Variants in DIP2A observed in about 807,000 individuals in gnomAD.
DIP2A encodes the protein disco-interacting protein 2 homolog A.
A neutral mutation model predicts 177.4 loss-of-function variants in DIP2A; 85 were observed. The ratio of observed to expected loss-of-function variants is 0.48; its 90% CI spans 0.40 to 0.57. DIP2A has a LOEUF of 0.57. Ranked by LOEUF, DIP2A falls within the 20% of genes least tolerant of loss-of-function variation. The pLI, the probability that DIP2A is intolerant of heterozygous loss-of-function variation, is 0.00. For missense variants in DIP2A, 1,791 were observed against 2,100.2 expected (o/e 0.85, Z 2.88); for synonymous variants, 886 against 881.8 (o/e 1.00, Z -0.08).
chr21:46,575,975 C>T, the DIP2A span, among the ~76,000 whole-genome samples: 1 of 152,108 alleles, frequency 6.6e-6, no homozygotes, highest in Non-Finnish European at 1.5e-5. Context: ...TAAGACAGTT[C>T]TCCAAATAAG....
Position 46,537,146 on chromosome 21 carries a change from C to T in DIP2A, c.1643-78C>T. 6.9e-7 allele frequency: 1 copy of T among 1,459,314 alleles called. No individual in the cohort carries two copies. Among genetic ancestry groups the T allele is most frequent in the Non-Finnish European group, 9.6e-7 (1 of 1,039,262 alleles). 90.4% of individuals were successfully genotyped at this position (1,459,314 alleles called of 1,614,324 possible). Reference sequence around the variant, plus strand: ...ACTTACATGTTGATGACGTACTCACCTCAGAATTTCTCTAGAAAATGCATA... The same window carrying T: ...ACTTACATGTTGATGACGTACTCACTTCAGAATTTCTCTAGAAAATGCATA... On this transcript the variant is annotated intron_variant, in intron 13 of 37. Coordinates refer to ENST00000417564, the MANE Select transcript of DIP2A (RefSeq NM_015151.4). This position sits in a 1 kb window ranked among gnomAD's most constrained non-coding sequence, Gnocchi z 4.1.
chr21:46,544,439 C>A (rs1241814322), intron 18 of DIP2A, among the ~76,000 whole-genome samples: 2 of 152,180 alleles, frequency 1.3e-5, no homozygotes, highest in South Asian at 2.1e-4. Flanking sequence ...ACAGGTAGAT[C>A]TCTGCACCGC....
chr21:46,561,630 A>T, intron 33 of DIP2A, 118 bp from the exon 34 acceptor site: 1 of 1,319,928 alleles, frequency 7.6e-7, no homozygotes, highest in African/African-American at 1.4e-5. Flanking sequence ...AAAGGTTGAC[A>T]TCCTGACTGT....
intron 1 of DIP2A, among the ~76,000 whole-genome samples, chr21:46,473,060 C>A (rs143262532): frequency 6.6e-6 from 1 of 152,122 alleles, no homozygotes; most frequent in Non-Finnish European, 1.5e-5. Context: ...CTGTACTGGA[C>A]AACAGCAAAG....
In DIP2A at chr21:46,498,681, A is replaced by C. The variant is rs1189025074; in HGVS notation, c.503A>C (p.Asp168Ala). 2 of 1,613,152 alleles carry C rather than the reference A, an allele frequency of 1.2e-6. No homozygotes were observed. Among genetic ancestry groups the C allele is most frequent in the Admixed American group, 1.7e-5 (1 of 59,974 alleles). ...CATTCCAGCGTCGAGCCCTGGCTCG[A>C]CCGGGTCATTCAGGGCTCGTCCACC... Reference protein sequence around the residue: ...QSHSSVEPWLDRVIQGSSTSS... With the variant: ...QSHSSVEPWLARVIQGSSTSS... The change falls in exon 5 of 38, where the codon GAC (aspartate) becomes GCC (alanine). Residue 168 changes from aspartate (D) to alanine (A), a missense_variant. Physicochemically the swap from Asp to Ala is moderately radical, Grantham distance 126. Coordinates refer to ENST00000417564, the MANE Select transcript of DIP2A (RefSeq NM_015151.4). This position sits in a 1 kb window ranked among gnomAD's most constrained non-coding sequence, Gnocchi z 4.3.
downstream of DIP2A, among the ~76,000 whole-genome samples, chr21:46,573,928 G>C (rs2060980688): frequency 6.6e-6 from 1 of 152,056 alleles, no homozygotes; most frequent in Non-Finnish European, 1.5e-5. Flanking sequence ...TCAGTGCCCT[G>C]CTTTGAATAA....
intron 1 of DIP2A, among the ~76,000 whole-genome samples, chr21:46,480,893 C>G (rs902953579): frequency 2.6e-5 from 4 of 152,164 alleles, no homozygotes; most frequent in African/African-American, 9.7e-5. Context: ...CTTAGCCACA[C>G]TTGGTCCATT....
chr21:46,525,876 A>G (rs1569036922), intron 8 of DIP2A, among the ~76,000 whole-genome samples: 1 of 25,440 alleles, frequency 3.9e-5, no homozygotes, highest in Admixed American at 3.6e-4. Context: ...TATTATTATT[A>G]TTATTATTAT....
At chr21:46,579,593 G>T in the DIP2A span, among the ~76,000 whole-genome samples, 1 of 152,106 alleles carries the variant, frequency 6.6e-6, no homozygotes, top group Non-Finnish European at 1.5e-5. Flanking sequence ...GGCATTTAGT[G>T]CTATAAATTT....
chr21:46,576,290 A>G, the DIP2A span, among the ~76,000 whole-genome samples: 1 of 152,120 alleles, frequency 6.6e-6, no homozygotes, highest in Middle Eastern at 3.4e-3. Flanking sequence ...TGTCCCCCCA[A>G]CAGGCCCCAG....
intron 1 of DIP2A, among the ~76,000 whole-genome samples, chr21:46,482,478 A>G (rs1226940725): frequency 6.6e-6 from 1 of 152,238 alleles, no homozygotes; most frequent in East Asian, 1.9e-4. Context: ...TGTACATAAT[A>G]CTTGGTAATG....
In DIP2A at chr21:46,464,817, C is replaced by CTTTTTTTTTTTTTT. The variant is rs1168153777; in HGVS notation, c.91+5609_91+5622dup. ...TCTTCCTTTTTCTTAATATTCATGT[C>CTTTTTTTTTTTTTT]TTTTTTTTTTTTTTTTTTTTTTTTT... On this transcript the variant is annotated intron_variant, in intron 1 of 37. Transcript: ENST00000417564. Among the ~76,000 whole-genome samples the CTTTTTTTTTTTTTT allele has an allele frequency of 7.2e-3, 529 of 73,398 alleles. 83 individuals are homozygous for CTTTTTTTTTTTTTT. Among genetic ancestry groups the CTTTTTTTTTTTTTT allele is most frequent in the East Asian group, 0.01 (27 of 2,644 alleles). The allele number at this position is 73,398 out of a possible 152,430, so 48.2% of individuals were successfully genotyped here.
rs3061062 is a variant in DIP2A at position 46,524,872 on chromosome 21, C to CTTTTTTTTTTTTTTTTTTTTTTTTTTTT, written c.1103-4215_1103-4188dup. Among the ~76,000 whole-genome samples the CTTTTTTTTTTTTTTTTTTTTTTTTTTTT allele has an allele frequency of 9.5e-5, 6 of 63,394 alleles. 1 individual carries two copies. Among genetic ancestry groups the CTTTTTTTTTTTTTTTTTTTTTTTTTTTT allele is most frequent in the East Asian group, 4.8e-4 (1 of 2,086 alleles). The allele number at this position is 63,394 out of a possible 152,430, so 41.6% of individuals were successfully genotyped here. A position where few individuals can be genotyped will look rare whatever the true frequency, so the allele number is the denominator to read the frequency against. On this transcript the variant is annotated intron_variant, in intron 8 of 37. Transcript: ENST00000417564. ...TTTCTTTTATGATTTTTGCTTTTTG[C>CTTTTTTTTTTTTTTTTTTTTTTTTTTTT]TTTTTTTTTTTTTTTTTTTTTTTTT... is the stretch of plus-strand genomic sequence containing the variant.
Position 46,533,592 on chromosome 21 carries a change from C to T in DIP2A, c.1374C>T (p.Asp458=), listed in dbSNP as rs531974273. The change falls in exon 11 of 38, where the codon GAC becomes GAT. Residue 458 remains aspartate, a synonymous_variant. Transcript: ENST00000417564. ...SCGVFLALTT[D]ACQKGLPKAQ... ...GAGTCTTCTTGGCCCTGACCACAGA[C>T]GCTTGTCAGAAAGGCCTCCCCAAGG... 51 of 1,614,030 alleles carry T rather than the reference C, an allele frequency of 3.2e-5. No homozygotes were observed. The highest frequency in any genetic ancestry group is 1.6e-4 in the Middle Eastern group (1 of 6,062).
chr21:46,503,615 T>TTCCATCCTTC (rs1568987054), intron 5 of DIP2A, among the ~76,000 whole-genome samples: 1 of 90,626 alleles, frequency 1.1e-5, no homozygotes, highest in African/African-American at 4.0e-5. Context: ...TTCCTTCCTT[T>TTCCATCCTTC]CTTTCTTTCT....
intron 1 of DIP2A, among the ~76,000 whole-genome samples, chr21:46,481,046 G>A (rs1276568442): frequency 6.6e-6 from 1 of 152,150 alleles, no homozygotes; most frequent in African/African-American, 2.4e-5. Flanking sequence ...GTGGCAGAGC[G>A]AGACCCTGAC....
At chr21:46,550,182 TTATTA>T in intron 22 of DIP2A, 2 of 795,878 alleles carry the variant, frequency 2.5e-6, no homozygotes, top group Non-Finnish European at 3.8e-6. Flanking sequence ...GAAATGTACA[TTATTA>T]TATTCACCAG....
intron 8 of DIP2A, among the ~76,000 whole-genome samples, 188 bp from the exon 9 acceptor site, chr21:46,528,904 T>C (rs1273547964): frequency 6.6e-6 from 1 of 152,170 alleles, no homozygotes; most frequent in Non-Finnish European, 1.5e-5. Context: ...AATAAATCTG[T>C]AAGCTATTTT....
chr21:46,503,045 A>G (rs1306266122), intron 5 of DIP2A, among the ~76,000 whole-genome samples: 1 of 152,022 alleles, frequency 6.6e-6, no homozygotes, highest in Non-Finnish European at 1.5e-5. Flanking sequence ...GATTGTGGCC[A>G]GGCGCGGTGG....
Sources: allele counts gnomAD v4.1 joint callset (sites outside exome capture counted in the v4.1 genomes callset), GRCh38; gene constraint gnomAD v4.1.1; non-coding constraint Gnocchi (gnomAD v3.1); transcripts MANE v1.5; gene names NCBI Gene and HGNC (gene_info 2026-07-23, HGNC 2026-07-21).